Variants in ZBTB20 observed in about 807,000 individuals in gnomAD.
ZBTB20 encodes the protein zinc finger and BTB domain-containing protein 20.
Under a neutral mutation model 56.9 loss-of-function variants are expected in ZBTB20, and 9 were observed. The observed-to-expected ratio is 0.16, with a 90% CI of 0.10 to 0.28. The LOEUF is 0.28. ZBTB20 is among the 10% of genes least tolerant of loss of function. The pLI is 1.00. For missense variants in ZBTB20, 655 were observed against 1,003.0 expected (o/e 0.65, Z 4.69); for synonymous variants, 417 against 420.7 (o/e 0.99, Z 0.11).
chr3:114,490,114 T>C (rs973473729), intron 7 of ZBTB20, among the ~76,000 whole-genome samples: 20 of 139,630 alleles, frequency 1.4e-4, no homozygotes, highest in African/African-American at 5.1e-4. Context: ...TGGAGGATTA[T>C]TTATTCATTT....
intron 7 of ZBTB20, among the ~76,000 whole-genome samples, chr3:114,391,516 C>T (rs1421077437): frequency 1.3e-5 from 2 of 152,180 alleles, no homozygotes; most frequent in East Asian, 3.8e-4. Flanking sequence ...ACATTCTGTA[C>T]TACTCCCTTT....
At chr3:115,100,040 T>C (rs2083524173) in intron 1 of ZBTB20, 1 of 151,990 alleles carries the variant, frequency 6.6e-6, no homozygotes. Flanking sequence ...AAGCTAGCAC[T>C]AGCTCTGTCA....
At chr3:114,736,364 T>G (rs1392314140) in intron 5 of ZBTB20, among the ~76,000 whole-genome samples, 2 of 152,200 alleles carry the variant, frequency 1.3e-5, no homozygotes, top group Non-Finnish European at 2.9e-5. Flanking sequence ...GGTTATTTTT[T>G]TAATATGACT....
intron 4 of ZBTB20, among the ~76,000 whole-genome samples, chr3:114,804,777 A>C (rs1363867146): frequency 6.6e-6 from 1 of 151,930 alleles, no homozygotes; most frequent in African/African-American, 2.4e-5. Flanking sequence ...CATCTGAAAG[A>C]CAATCCCAGA....
chr3:114,359,553 C>T (rs2081591393), intron 10 of ZBTB20: 1 of 152,174 alleles, frequency 6.6e-6, no homozygotes, highest in Non-Finnish European at 1.5e-5. Flanking sequence ...TTTTGAGACA[C>T]CTTTTAGGAG....
chr3:114,429,700 G>GA (rs1399931945), intron 7 of ZBTB20, among the ~76,000 whole-genome samples: 151 of 150,904 alleles, frequency 1.0e-3, no homozygotes, highest in African/African-American at 3.5e-3. Flanking sequence ...AAAATATTTG[G>GA]AAAAAAAAAA....
At chr3:115,008,513 T>C (rs146293684) in intron 2 of ZBTB20, among the ~76,000 whole-genome samples, 1,739 of 152,048 alleles carry the variant, frequency 0.011, 27 homozygotes, top group Non-Finnish European at 0.014. Context: ...TTTTTGTAAG[T>C]AATCGTGAAC....
chr3:114,876,160 G>A (rs1424824960), intron 4 of ZBTB20, among the ~76,000 whole-genome samples: 3 of 149,616 alleles, frequency 2.0e-5, no homozygotes, highest in Non-Finnish European at 3.0e-5. Context: ...ATAGGTTATT[G>A]GGGAACAGGT....
At chr3:115,078,937 T>G (rs2082696612) in intron 1 of ZBTB20, among the ~76,000 whole-genome samples, 1 of 152,040 alleles carries the variant, frequency 6.6e-6, no homozygotes, top group South Asian at 2.1e-4. Context: ...TTTATTAGAG[T>G]TGAAGCTTAA....
intron 4 of ZBTB20, among the ~76,000 whole-genome samples, chr3:114,876,135 T>C (rs192493240): frequency 2.0e-5 from 3 of 150,128 alleles, no homozygotes. Context: ...TTTTTTTTTT[T>C]AATTTTTTAT....
intron 4 of ZBTB20, among the ~76,000 whole-genome samples, chr3:114,853,798 C>T (rs974765501): frequency 4.6e-5 from 7 of 151,982 alleles, no homozygotes; most frequent in Non-Finnish European, 1.0e-4. Flanking sequence ...GTTAGAGGAC[C>T]CCAATTAGTA....
intron 7 of ZBTB20, among the ~76,000 whole-genome samples, chr3:114,436,913 G>T (rs1198887685): frequency 1.3e-5 from 2 of 152,286 alleles, no homozygotes; most frequent in East Asian, 3.9e-4. Context: ...TTGTGAGCCT[G>T]CAAGAAGAAA....
intron 5 of ZBTB20, among the ~76,000 whole-genome samples, chr3:114,696,655 A>G (rs1187379556): frequency 2.0e-5 from 3 of 152,084 alleles, no homozygotes; most frequent in African/African-American, 7.2e-5. Flanking sequence ...CCAGTCAGTT[A>G]AGCAAAACCA....
intron 5 of ZBTB20, among the ~76,000 whole-genome samples, chr3:114,748,633 G>T (rs2067306125): frequency 6.6e-6 from 1 of 152,006 alleles, no homozygotes; most frequent in Non-Finnish European, 1.5e-5. Flanking sequence ...CTGCATAAAG[G>T]CAAAGAGGAA....
At chr3:115,114,339 A>C (rs540467529) in intron 1 of ZBTB20, among the ~76,000 whole-genome samples, 1 of 152,150 alleles carries the variant, frequency 6.6e-6, no homozygotes, top group Non-Finnish European at 1.5e-5. Flanking sequence ...TTGAGGGAGA[A>C]AGCCTCACAA....
At position 115,023,405 on chromosome 3, in the gene ZBTB20, T is replaced by C. The variant is rs184308965; in HGVS notation, c.-507+47814A>G. On this transcript the variant is annotated intron_variant, in intron 2 of 11. Coordinates refer to ENST00000675478, the MANE Select transcript of ZBTB20 (RefSeq NM_001348800.3). ...TTTTGTTTTTCATTCCATCTTTCTA[T>C]GCCTGTGCCCCATGTGTTCTTTCTC... Among the ~76,000 whole-genome samples the C allele has an allele frequency of 3.3e-5, 5 of 151,080 alleles. No individual in the cohort carries two copies. The East Asian group carries it at 9.7e-4, about 29-fold the overall frequency.
intron 1 of ZBTB20, among the ~76,000 whole-genome samples, chr3:115,110,169 G>A (rs1011960181): frequency 2.6e-5 from 4 of 151,252 alleles, no homozygotes; most frequent in Admixed American, 2.0e-4. Flanking sequence ...CAGAGATCAC[G>A]CCACTGCACT....
At position 114,949,721 on chromosome 3, in the gene ZBTB20, C is replaced by G. The variant is rs1168349194; in HGVS notation, c.-456+24645G>C. ...AGGCAAATTTTCAGTGAGCCAAGAT[C>G]GCACCACTGCACTCCAGCCTGGGCG... On this transcript the variant is annotated intron_variant, in intron 3 of 11. Transcript: ENST00000675478. Among the ~76,000 whole-genome samples the G allele has an allele frequency of 1.4e-5, 2 of 147,978 alleles. 1 individual carries two copies. Among genetic ancestry groups the G allele is most frequent in the African/African-American group, 5.3e-5 (2 of 37,702 alleles).
intron 6 of ZBTB20, among the ~76,000 whole-genome samples, chr3:114,514,589 C>A (rs1304739998): frequency 6.6e-6 from 1 of 152,156 alleles, no homozygotes; most frequent in African/African-American, 2.4e-5. Flanking sequence ...TTAGCCCAGT[C>A]TTCTTGGGGA....
Sources: gnomAD v4.1 joint callset for allele counts (sites outside exome capture counted in the v4.1 genomes callset) on GRCh38, gnomAD v4.1.1 for gene constraint, MANE v1.5 for transcripts, NCBI Gene and HGNC (gene_info 2026-07-23, HGNC 2026-07-21) for gene names.